Variants in ABCC11 observed in about 807,000 individuals in gnomAD.
ABCC11 encodes the protein ATP binding cassette subfamily C member 11.
In ABCC11, 135 loss-of-function variants were observed where a neutral mutation model predicts 149.3. That is an observed-to-expected ratio of 0.90 (90% CI 0.79 to 1.04). ABCC11 has a LOEUF of 1.04. ABCC11 is among the 50% of genes least tolerant of loss of function. The pLI, the probability that ABCC11 is intolerant of heterozygous loss-of-function variation, is 0.00. For synonymous variants in ABCC11, 665 were observed against 671.4 expected (o/e 0.99, Z 0.15); for missense variants, 1,680 against 1,722.1 (o/e 0.98, Z 0.43).
intron 26 of ABCC11, among the ~76,000 whole-genome samples, chr16:48,175,041 A>G (rs1401231775): frequency 6.6e-6 from 1 of 152,232 alleles, no homozygotes; most frequent in Admixed American, 6.5e-5. Context: ...TTTGCGTATA[A>G]CATTACGGTT....
chr16:48,225,606 C>CA (rs574805053), intron 4 of ABCC11, among the ~76,000 whole-genome samples: 9 of 150,112 alleles, frequency 6.0e-5, no homozygotes, highest in East Asian at 3.9e-4. Flanking sequence ...AGCCGTTTGG[C>CA]AAAAAAAAAT....
chr16:48,237,087 A>G (rs551054275), intron 1 of ABCC11, among the ~76,000 whole-genome samples: 1 of 152,360 alleles, frequency 6.6e-6, no homozygotes, highest in Admixed American at 6.5e-5. Context: ...AAAATATACC[A>G]TAAAGTTTGT....
At chr16:48,194,239 T>C (rs1447028499) in intron 18 of ABCC11, among the ~76,000 whole-genome samples, 1 of 152,168 alleles carries the variant, frequency 6.6e-6, no homozygotes, top group Non-Finnish European at 1.5e-5. Context: ...TCTTTACCTA[T>C]GAAATAGTGA....
chr16:48,215,155 T>C (rs1969237226), intron 8 of ABCC11, 42 bp downstream of exon 8: 1 of 1,597,944 alleles, frequency 6.3e-7, no homozygotes, highest in Admixed American at 1.7e-5. Flanking sequence ...CGGCTTACCA[T>C]GCCATCACCA....
At chr16:48,184,693 A>C in intron 22 of ABCC11, 67 bp from the exon 23 acceptor site, 1 of 1,506,998 alleles carries the variant, frequency 6.6e-7, no homozygotes, top group Non-Finnish European at 9.0e-7. Context: ...GGGTCAGGGT[A>C]GATACCGGCT....
At position 48,225,535 on chromosome 16, in the gene ABCC11, T is replaced by TC. The variant is rs1382860299; in HGVS notation, c.396-1107dup. 3.2e-3 allele frequency among the ~76,000 whole-genome samples: 483 copies of TC among 152,352 alleles called. 1 individual carries two copies. Among genetic ancestry groups the TC allele is most frequent in the African/African-American group, 0.011 (459 of 41,568 alleles). ...TGGTGTTGTCTAACATAATTGTTGA[T>TC]CCCTTGTGCTTCCTAATAAACTGGT... On this transcript the variant is annotated intron_variant, in intron 4 of 29. Coordinates refer to ENST00000356608, the MANE Select transcript of ABCC11 (RefSeq NM_001370497.1).
chr16:48,245,573 T>G lies in ABCC11; in HGVS notation c.-19+1741A>C, dbSNP rs531118799. Among the ~76,000 whole-genome samples the G allele has an allele frequency of 2.6e-5, 4 of 152,344 alleles. No individual in the cohort carries two copies. In the South Asian group the frequency reaches 6.2e-4, roughly 24 times the overall value. ...TCCTGGTTTGCTGCGATTGTCTGTT[T>G]TAGCATTGAAAGTCCTATGTTTTAG... is the stretch of plus-strand genomic sequence containing the variant. On this transcript the variant is annotated intron_variant, in intron 1 of 29. Coordinates refer to ENST00000356608, the MANE Select transcript of ABCC11 (RefSeq NM_001370497.1).
Position 48,200,399 on chromosome 16 carries a change from C to T in ABCC11, c.1959G>A (p.Gln653=), listed in dbSNP as rs766798553. The T allele has an allele frequency of 3.1e-6, 5 of 1,614,254 alleles. No homozygotes were observed. Among genetic ancestry groups the T allele is most frequent in the East Asian group, 4.5e-5 (2 of 44,878 alleles). Residue 653 remains glutamine, a synonymous_variant, in exon 15 of 30, where the codon CAG becomes CAA. Transcript: ENST00000356608. ...SLARAVYSDR[Q]IYLLDDPLSA... Reference sequence around the variant, plus strand: ...ACAGGGGGTCGTCCAGCAGGTAGATCTGACGGTCGGAATAGACGGCGCGGG... The same window carrying T: ...ACAGGGGGTCGTCCAGCAGGTAGATTTGACGGTCGGAATAGACGGCGCGGG...
chr16:48,170,926 A>C lies in ABCC11; in HGVS notation c.3740T>G (p.Ile1247Ser). 6.2e-7 allele frequency: 1 copy of C among 1,614,112 alleles called. No individual in the cohort carries two copies. Among genetic ancestry groups the C allele is most frequent in the Non-Finnish European group, 8.5e-7 (1 of 1,179,948 alleles). The change falls in exon 27 of 30, where the codon ATC (isoleucine) becomes AGC (serine). Residue 1247 changes from isoleucine (I) to serine (S), a missense_variant. By Grantham distance (142) the Ile-to-Ser change is moderately radical (BLOSUM62 -2). Transcript: ENST00000356608. ...GAATGTCCTCTCCAAGGCATCCCAG[A>C]TCTGCTGGTCAGTGTGACGGTCAAA... ...DPFDRHTDQQIWDALERTFLT... is the reference protein window; with the variant it reads ...DPFDRHTDQQSWDALERTFLT...
At chr16:48,221,246 A>G (rs1969716193) in intron 6 of ABCC11, among the ~76,000 whole-genome samples, 1 of 152,224 alleles carries the variant, frequency 6.6e-6, no homozygotes, top group Non-Finnish European at 1.5e-5. Context: ...GAAAGGAGCC[A>G]AAGCAGTGTT....
intron 17 of ABCC11, among the ~76,000 whole-genome samples, chr16:48,197,642 C>T (rs1381525999): frequency 6.6e-6 from 1 of 152,208 alleles, no homozygotes; most frequent in Admixed American, 6.5e-5. Context: ...TACTCTCTTG[C>T]AGTGTGTAAT....
At chr16:48,195,177 A>G (rs771592454) in intron 18 of ABCC11, among the ~76,000 whole-genome samples, 63 of 152,152 alleles carry the variant, frequency 4.1e-4, no homozygotes, top group Non-Finnish European at 8.1e-4. Context: ...CTCTCTTACC[A>G]TCTGATGGAA....
chr16:48,246,299 T>C (rs762007260), intron 1 of ABCC11, among the ~76,000 whole-genome samples: 1 of 152,224 alleles, frequency 6.6e-6, no homozygotes. Flanking sequence ...CAGTACTCTT[T>C]GATAAATTGT....
rs972105300 is a variant in ABCC11, at chr16:48,166,326, G to A, written c.*948C>T. 2.0e-5 allele frequency among the ~76,000 whole-genome samples: 3 copies of A among 152,192 alleles called. No individual in the cohort carries two copies. The highest frequency in any genetic ancestry group is 4.8e-5 in the African/African-American group (2 of 41,452). ...CTGGGGGGTGCAGAGTGTGTAGGACGTGAACCTGGAGCTGCAGGCAACCAT... is the reference window on the plus strand; with the variant it reads ...CTGGGGGGTGCAGAGTGTGTAGGACATGAACCTGGAGCTGCAGGCAACCAT... On this transcript the variant is annotated 3_prime_UTR_variant, in exon 30 of 30. Coordinates refer to ENST00000356608, the MANE Select transcript of ABCC11 (RefSeq NM_001370497.1).
At chr16:48,230,416 A>G (rs769422215) in intron 3 of ABCC11, 21 bp downstream of exon 3, 5 of 1,572,586 alleles carry the variant, frequency 3.2e-6, no homozygotes, top group Non-Finnish European at 4.3e-6. Context: ...GCTCTCTCCC[A>G]CCACCCCCAT....
At chr16:48,208,546 T>A (rs771920803) in intron 11 of ABCC11, 50 bp from the exon 12 acceptor site, 1 of 1,600,870 alleles carries the variant, frequency 6.2e-7, no homozygotes. Flanking sequence ...AGCCCTGGCA[T>A]ACCCACCTGC....
chr16:48,219,539 G>C (rs1006996712), intron 6 of ABCC11, among the ~76,000 whole-genome samples: 3 of 152,184 alleles, frequency 2.0e-5, no homozygotes, highest in Non-Finnish European at 4.4e-5. Flanking sequence ...GGGCACAGGG[G>C]AAGAAACTAG....
intron 1 of ABCC11, among the ~76,000 whole-genome samples, chr16:48,235,340 A>C (rs2150929017): frequency 6.6e-6 from 1 of 152,330 alleles, no homozygotes; most frequent in Admixed American, 6.5e-5. Flanking sequence ...GAAACCAGGG[A>C]CCTTGTCTGT....
rs1195265998 is a variant in ABCC11, at chr16:48,208,473, G to A, written c.1632C>T (p.Gly544=). ...VSKGMMLGVC[G]NTGSGKSSLL... is the part of the protein sequence containing the mutation. ...GGCTGCTCTTACCACTCCCCGTGTT[G>A]CCGCAGACCCCTAACATCATCCCCT... is the stretch of plus-strand genomic sequence containing the variant. The change falls in exon 12 of 30, where the codon GGC becomes GGT. Residue 544 remains glycine, a synonymous_variant. Transcript: ENST00000356608. The A allele has an allele frequency of 1.2e-6, 2 of 1,614,192 alleles. No individual in the cohort carries two copies. The highest frequency in any genetic ancestry group is 1.7e-6 in the Non-Finnish European group (2 of 1,180,024).
Sources: gnomAD v4.1 joint callset for allele counts (sites outside exome capture counted in the v4.1 genomes callset) on GRCh38, gnomAD v4.1.1 for gene constraint, MANE v1.5 for transcripts, NCBI Gene and HGNC (gene_info 2026-07-23, HGNC 2026-07-21) for gene names.